Variants in IQCM observed in about 807,000 individuals in gnomAD.
IQCM encodes IQ motif containing M, also known as IQ domain-containing protein M.
Under a neutral mutation model 57.6 loss-of-function variants are expected in IQCM, and 45 were observed. The observed-to-expected ratio is 0.78, with a 90% CI of 0.62 to 1.00. The LOEUF is 1.00. IQCM is among the 50% of genes least tolerant of loss of function. The probability of loss-of-function intolerance (pLI) is 0.00; values close to 1 mark genes in which losing one functional copy is unlikely to be tolerated. For synonymous variants in IQCM, 148 were observed against 158.9 expected, an observed-to-expected ratio of 0.93 and a Z score of 0.51; for missense variants, 468 against 511.6, an observed-to-expected ratio of 0.91 and a Z score of 0.82.
intron 7 of IQCM, among the ~76,000 whole-genome samples, chr4:149,674,685 G>T (rs1197523544): frequency 6.6e-6 from 1 of 152,060 alleles, no homozygotes; most frequent in Non-Finnish European, 1.5e-5. Flanking sequence ...AGTTTGACAT[G>T]TTAGGTTGGA....
At chr4:149,533,524 G>T (rs998241901) in intron 12 of IQCM, among the ~76,000 whole-genome samples, 1 of 152,058 alleles carries the variant, frequency 6.6e-6, no homozygotes, top group East Asian at 1.9e-4. Flanking sequence ...TGCTGACAAA[G>T]ACATACCCGA....
chr4:149,786,944 G>A (rs1393408414), intron 2 of IQCM, among the ~76,000 whole-genome samples: 15 of 152,096 alleles, frequency 9.9e-5, no homozygotes, highest in Non-Finnish European at 1.6e-4. Flanking sequence ...CCCATCAATG[G>A]TAGACTGGAT....
chr4:149,707,992 TC>T (rs1262511791), intron 5 of IQCM, among the ~76,000 whole-genome samples: 1 of 152,030 alleles, frequency 6.6e-6, no homozygotes, highest in African/African-American at 2.4e-5. Context: ...CAATCTTCCT[TC>T]TTCCAGTCCT....
chr4:149,411,876 T>C (rs1277150049), intron 13 of IQCM, among the ~76,000 whole-genome samples: 1 of 152,194 alleles, frequency 6.6e-6, no homozygotes, highest in East Asian at 1.9e-4. Flanking sequence ...GCAATGGAGC[T>C]GAGATTGAGC....
intron 2 of IQCM, among the ~76,000 whole-genome samples, chr4:149,765,025 C>A (rs762849507): frequency 2.8e-4 from 43 of 151,926 alleles, no homozygotes; most frequent in African/African-American, 9.2e-4. Context: ...GAGTTGACAG[C>A]GCTAGACATA....
intron 10 of IQCM, among the ~76,000 whole-genome samples, chr4:149,558,511 T>A (rs758376350): frequency 7.2e-5 from 11 of 152,196 alleles, no homozygotes; most frequent in Non-Finnish European, 1.3e-4. Context: ...GGGGGTTACA[T>A]TTTAGTGAAA....
intron 12 of IQCM, among the ~76,000 whole-genome samples, chr4:149,476,890 C>T (rs1471876992): frequency 2.0e-5 from 3 of 152,066 alleles, no homozygotes; most frequent in South Asian, 4.1e-4. Context: ...CCTATTGGTA[C>T]AATAACAACA....
At chr4:149,554,849 C>A (rs796066994) in intron 10 of IQCM, among the ~76,000 whole-genome samples, 56 of 151,352 alleles carry the variant, frequency 3.7e-4, no homozygotes, top group African/African-American at 1.3e-3. Context: ...ACAGGCGCCC[C>A]CCACCACGCC....
In IQCM at chr4:149,454,745, G is replaced by A. The variant is rs537655326; in HGVS notation, c.1229-21188C>T. On this transcript the variant is annotated intron_variant, in intron 12 of 13. Transcript: ENST00000636793. ...AAAAACATTATGCTAAGTGAAAGAAGTTATGAAAAACCTCATGTATGATTC... is the reference window on the plus strand; with the variant it reads ...AAAAACATTATGCTAAGTGAAAGAAATTATGAAAAACCTCATGTATGATTC... Among the ~76,000 whole-genome samples the A allele has an allele frequency of 9.9e-5, 15 of 152,150 alleles. No homozygotes were observed. The East Asian group carries it at 2.9e-3, about 30-fold the overall frequency.
chr4:149,764,751 A>G (rs1435602654), intron 2 of IQCM, among the ~76,000 whole-genome samples: 1 of 152,144 alleles, frequency 6.6e-6, no homozygotes, highest in Non-Finnish European at 1.5e-5. Context: ...ATAGCTGGAT[A>G]GAAAAGCTTG....
intron 5 of IQCM, among the ~76,000 whole-genome samples, chr4:149,694,694 A>T (rs1320291364): frequency 6.6e-6 from 1 of 152,174 alleles, no homozygotes; most frequent in Non-Finnish European, 1.5e-5. Context: ...CAGAAAAGGG[A>T]GTGTGTTCCT....
chr4:149,722,363 T>C (rs1377755215), intron 5 of IQCM, among the ~76,000 whole-genome samples: 2 of 152,084 alleles, frequency 1.3e-5, no homozygotes, highest in African/African-American at 4.8e-5. Flanking sequence ...TCATAAATTA[T>C]TTGCCTAGGC....
At chr4:149,370,386 T>C (rs961216217) in intron 13 of IQCM, among the ~76,000 whole-genome samples, 6 of 152,266 alleles carry the variant, frequency 3.9e-5, no homozygotes, top group Admixed American at 2.6e-4. Flanking sequence ...AGAGAAAATA[T>C]ACATAAAGCA....
At chr4:149,757,364 A>C (rs1769073951) in intron 2 of IQCM, among the ~76,000 whole-genome samples, 1 of 149,988 alleles carries the variant, frequency 6.7e-6, no homozygotes, top group Non-Finnish European at 1.5e-5. Flanking sequence ...AATAAGTACA[A>C]AAAAATAAAC....
At chr4:149,673,793 T>C (rs1457308392) in intron 7 of IQCM, among the ~76,000 whole-genome samples, 1 of 152,036 alleles carries the variant, frequency 6.6e-6, no homozygotes, top group Non-Finnish European at 1.5e-5. Flanking sequence ...TCTACAGAAC[T>C]CTCCACCCCA....
At chr4:149,485,803 G>T (rs1161199426) in intron 12 of IQCM, among the ~76,000 whole-genome samples, 2 of 152,040 alleles carry the variant, frequency 1.3e-5, no homozygotes, top group African/African-American at 2.4e-5. Context: ...GAAGAGTTGG[G>T]TATCTATTGT....
chr4:149,554,288 G>A (rs1383778846), intron 10 of IQCM, among the ~76,000 whole-genome samples: 1 of 152,102 alleles, frequency 6.6e-6, no homozygotes, highest in African/African-American at 2.4e-5. Flanking sequence ...CTAGCATAGA[G>A]GCATTCCAGA....
In IQCM at chr4:149,619,101, GGGAT is replaced by G. The variant is rs1351155239; in HGVS notation, c.681+2024_681+2027del. On this transcript the variant is annotated intron_variant, in intron 8 of 13. Coordinates refer to ENST00000636793, the MANE Select transcript of IQCM (RefSeq NM_001363507.2). ...CAATAGATGACTGGATTAAAAATGT[GGGAT>G]GGATATATATATATATATATATATA... Among the ~76,000 whole-genome samples the G allele has an allele frequency of 1.3e-3, 142 of 109,134 alleles. 1 individual carries two copies. Among genetic ancestry groups the G allele is most frequent in the Non-Finnish European group, 1.7e-3 (100 of 59,534 alleles). 71.6% of individuals were successfully genotyped at this position (109,134 alleles called of 152,430 possible). A position where few individuals can be genotyped will look rare whatever the true frequency, so the allele number is the denominator to read the frequency against.
chr4:149,775,040 C>CAAA (rs35383107), intron 2 of IQCM, among the ~76,000 whole-genome samples: 20 of 87,028 alleles, frequency 2.3e-4, no homozygotes, highest in South Asian at 4.0e-4. Flanking sequence ...TTCTTTTTGC[C>CAAA]AAAAAAAAAA....
Sources: allele counts gnomAD v4.1 joint callset (sites outside exome capture counted in the v4.1 genomes callset), GRCh38; gene constraint gnomAD v4.1.1; transcripts MANE v1.5; gene names NCBI Gene and HGNC (gene_info 2026-07-23, HGNC 2026-07-21).